The following FSTL5 variants were observed in gnomAD, a reference collection of about 807,000 sequenced individuals.
FSTL5 encodes follistatin-related protein 5.
Under a neutral mutation model 89.1 loss-of-function variants are expected in FSTL5, and 62 were observed. That is an observed-to-expected ratio of 0.70 (90% confidence interval 0.57 to 0.86). FSTL5 has a LOEUF of 0.86. FSTL5 is among the 40% of genes least tolerant of loss of function. FSTL5 has a pLI of 0.00. For synonymous variants in FSTL5, 383 were observed against 346.2 expected (o/e 1.11, Z -1.18); for missense variants, 1,057 against 1,001.6 (o/e 1.06, Z -0.75).
rs1405016294 is a variant in FSTL5 at position 161,481,009 on chromosome 4, A to C, written c.1608+11T>G. ...AAGATTTACTTTTTAAAAAGTAGTAATTATTCATACCTGAACAACTTTTTG... is the reference window on the plus strand; with the variant it reads ...AAGATTTACTTTTTAAAAAGTAGTACTTATTCATACCTGAACAACTTTTTG... On this transcript the variant is annotated intron_variant, in intron 13 of 15. Coordinates refer to ENST00000306100, the MANE Select transcript of FSTL5 (RefSeq NM_020116.5). 1 of 1,582,156 alleles carries C rather than the reference A, an allele frequency of 6.3e-7. No homozygotes were observed. Among genetic ancestry groups the C allele is most frequent in the Non-Finnish European group, 8.6e-7 (1 of 1,161,214 alleles).
At chr4:161,656,662 A>G (rs78749316) in intron 6 of FSTL5, among the ~76,000 whole-genome samples, 168 bp from the exon 7 acceptor site, 4,418 of 152,320 alleles carry the variant, frequency 0.029, 83 homozygotes, top group Non-Finnish European at 0.043. Context: ...GGTCAGAATG[A>G]CATTTCAATT....
chr4:161,443,968 A>G (rs1164550110), intron 15 of FSTL5, among the ~76,000 whole-genome samples: 3 of 151,828 alleles, frequency 2.0e-5, no homozygotes, highest in Non-Finnish European at 4.4e-5. Flanking sequence ...AAAATCTTCT[A>G]TTTTTAAAAG....
chr4:161,839,687 A>C (rs1298241720), intron 4 of FSTL5, among the ~76,000 whole-genome samples: 3 of 152,210 alleles, frequency 2.0e-5, no homozygotes, highest in Non-Finnish European at 4.4e-5. Flanking sequence ...ACATTTAAAA[A>C]GTGGTGGTAT....
At chr4:161,516,896 C>T (rs1368553518) in intron 10 of FSTL5, among the ~76,000 whole-genome samples, 1 of 151,690 alleles carries the variant, frequency 6.6e-6, no homozygotes, top group African/African-American at 2.4e-5. Context: ...CAGAAATCTC[C>T]ACCTAGTTTT....
At chr4:161,591,305 G>A (rs1004570491) in intron 7 of FSTL5, among the ~76,000 whole-genome samples, 3 of 152,130 alleles carry the variant, frequency 2.0e-5, no homozygotes, top group African/African-American at 7.2e-5. Flanking sequence ...CAGGGACTGA[G>A]GGAATGGGGG....
Position 161,909,250 on chromosome 4 carries a change from C to G in FSTL5, c.409+11154G>C, listed in dbSNP as rs146731491. ...CCAGGAGCTCTGTGGATCCTAGAGT[C>G]TCTACAATAAAGCGGACATAACATA... On this transcript the variant is annotated intron_variant, in intron 4 of 15. Coordinates refer to ENST00000306100, the MANE Select transcript of FSTL5 (RefSeq NM_020116.5). Among the ~76,000 whole-genome samples the G allele has an allele frequency of 2.7e-3, 404 of 152,204 alleles. 10 individuals are homozygous for G. The East Asian group carries it at 0.035, about 13-fold the overall frequency.
At chr4:161,521,863 A>AG (rs1281776257) in intron 10 of FSTL5, among the ~76,000 whole-genome samples, 3 of 128,326 alleles carry the variant, frequency 2.3e-5, no homozygotes, top group South Asian at 2.6e-4. Context: ...AAAAAAAAAA[A>AG]AGAAAAAAAA....
intron 10 of FSTL5, among the ~76,000 whole-genome samples, chr4:161,522,449 GC>G (rs1731069919): frequency 6.6e-6 from 1 of 151,632 alleles, no homozygotes; most frequent in Non-Finnish European, 1.5e-5. Flanking sequence ...ATATAGAAAG[GC>G]TTTTCCTCCC....
At chr4:161,977,928 G>A (rs1197083987) in intron 3 of FSTL5, among the ~76,000 whole-genome samples, 2 of 151,982 alleles carry the variant, frequency 1.3e-5, no homozygotes. Flanking sequence ...ATTACCACAA[G>A]AAATTACCAT....
At chr4:161,686,773 G>C (rs1737761596) in intron 6 of FSTL5, among the ~76,000 whole-genome samples, 1 of 151,730 alleles carries the variant, frequency 6.6e-6, no homozygotes, top group Non-Finnish European at 1.5e-5. Flanking sequence ...ATCAGATTTT[G>C]TTCTAAATTG....
At chr4:161,958,042 GCTTT>G (rs1560936735) in intron 3 of FSTL5, among the ~76,000 whole-genome samples, 1 of 151,600 alleles carries the variant, frequency 6.6e-6, no homozygotes, top group East Asian at 1.9e-4. Context: ...CTTTATCCTT[GCTTT>G]ATTTTAGATA....
intron 6 of FSTL5, among the ~76,000 whole-genome samples, chr4:161,719,220 G>A (rs953496221): frequency 2.6e-5 from 4 of 152,052 alleles, no homozygotes; most frequent in African/African-American, 7.2e-5. Flanking sequence ...TCTTCCTTGT[G>A]TATTCTTGGC....
At chr4:161,582,203 T>C (rs1020031261) in intron 8 of FSTL5, among the ~76,000 whole-genome samples, 2 of 152,242 alleles carry the variant, frequency 1.3e-5, no homozygotes, top group African/African-American at 2.4e-5. Context: ...GGGCTTGTTA[T>C]GGTAATCAAT....
intron 8 of FSTL5, among the ~76,000 whole-genome samples, chr4:161,572,318 T>TCA (rs1491510271): frequency 6.2e-5 from 4 of 64,060 alleles, no homozygotes; most frequent in African/African-American, 2.6e-4. Context: ...AGACTCCGTC[T>TCA]AAAAAAAAAA....
At chr4:161,707,763 T>C (rs1738630936) in intron 6 of FSTL5, among the ~76,000 whole-genome samples, 1 of 151,946 alleles carries the variant, frequency 6.6e-6, no homozygotes, top group African/African-American at 2.4e-5. Flanking sequence ...TTAATGGTGA[T>C]ACACAATACA....
intron 6 of FSTL5, among the ~76,000 whole-genome samples, chr4:161,675,293 G>C (rs1158923905): frequency 2.0e-5 from 3 of 151,510 alleles, no homozygotes; most frequent in Non-Finnish European, 2.9e-5. Flanking sequence ...CTTTGAATTT[G>C]GGCTATAAAA....
intron 6 of FSTL5, among the ~76,000 whole-genome samples, chr4:161,662,265 C>T (rs557613526): frequency 6.6e-6 from 1 of 152,138 alleles, no homozygotes; most frequent in African/African-American, 2.4e-5. Context: ...TTTGTATTTA[C>T]AATACCCAGA....
chr4:162,075,214 C>G (rs867669596), intron 2 of FSTL5, among the ~76,000 whole-genome samples: 8 of 151,766 alleles, frequency 5.3e-5, no homozygotes, highest in African/African-American at 1.9e-4. Context: ...TTCTCAACCC[C>G]TTGTCCATTC....
intron 3 of FSTL5, among the ~76,000 whole-genome samples, chr4:161,975,490 A>AG (rs1735608477): frequency 6.7e-6 from 1 of 149,764 alleles, no homozygotes; most frequent in Non-Finnish European, 1.5e-5. Flanking sequence ...ATTCTCAGTA[A>AG]ACTATCACAA....
Sources: gnomAD v4.1 joint callset for allele counts (sites outside exome capture counted in the v4.1 genomes callset) on GRCh38, gnomAD v4.1.1 for gene constraint, MANE v1.5 for transcripts, NCBI Gene and HGNC (gene_info 2026-07-23, HGNC 2026-07-21) for gene names.